The following NRXN3 variants were observed in gnomAD, a reference collection of about 807,000 sequenced individuals.
The protein encoded by NRXN3 is neurexin III.
NRXN3 carries 32 observed loss-of-function variants against 137.6 expected under a neutral mutation model. The ratio of observed to expected loss-of-function variants is 0.23; its 90% CI spans 0.18 to 0.31. The LOEUF (loss-of-function observed/expected upper bound fraction) is 0.31, where lower values mean the gene tolerates loss of function less well. Ranked by LOEUF, NRXN3 falls within the 10% of genes least tolerant of loss-of-function variation. The probability of loss-of-function intolerance (pLI) is 1.00; values close to 1 mark genes in which losing one functional copy is unlikely to be tolerated. For synonymous variants in NRXN3, 798 were observed against 784.5 expected (o/e 1.02, Z -0.29); for missense variants, 1,574 against 2,062.5 (o/e 0.76, Z 4.59).
At chr14:78,404,009 C>T in intron 4 of NRXN3, 1 of 478,654 alleles carries the variant, frequency 2.1e-6, no homozygotes, top group Non-Finnish European at 2.7e-6. Flanking sequence ...AAATGTGGGG[C>T]AGAGGTTTGA....
At chr14:78,572,589 T>C (rs1329040104) in intron 4 of NRXN3, among the ~76,000 whole-genome samples, 1 of 152,174 alleles carries the variant, frequency 6.6e-6, no homozygotes, top group Non-Finnish European at 1.5e-5. Context: ...TGGGCCACAG[T>C]GGAAGAAGAA....
At chr14:79,184,061 C>T (rs2063243090) in intron 15 of NRXN3, among the ~76,000 whole-genome samples, 2 of 152,138 alleles carry the variant, frequency 1.3e-5, no homozygotes, top group African/African-American at 4.8e-5. Context: ...GCTCTAACAA[C>T]CTACCCTCCA....
chr14:79,157,281 A>G (rs899757831), intron 15 of NRXN3, among the ~76,000 whole-genome samples: 1 of 151,818 alleles, frequency 6.6e-6, no homozygotes, highest in Non-Finnish European at 1.5e-5. Context: ...TCAGCATTGA[A>G]TCAACATCTC....
At chr14:79,333,002 C>T (rs912280528) in intron 15 of NRXN3, among the ~76,000 whole-genome samples, 4 of 152,076 alleles carry the variant, frequency 2.6e-5, no homozygotes, top group African/African-American at 7.2e-5. Context: ...CTCTCATCTC[C>T]ATCCTACTTT....
At chr14:78,607,066 G>A (rs772875575) in intron 4 of NRXN3, among the ~76,000 whole-genome samples, 1 of 152,108 alleles carries the variant, frequency 6.6e-6, no homozygotes, top group Non-Finnish European at 1.5e-5. Flanking sequence ...ATTGTCTGTT[G>A]GAGCTGAGGG....
intron 19 of NRXN3, among the ~76,000 whole-genome samples, chr14:79,717,351 C>A (rs945477675): frequency 6.6e-6 from 1 of 152,160 alleles, no homozygotes; most frequent in African/African-American, 2.4e-5. Context: ...TGTGGCCCAA[C>A]CAACTTGAAA....
intron 4 of NRXN3, among the ~76,000 whole-genome samples, chr14:78,419,961 G>GCGCGCA (rs1555518606): frequency 1.0e-4 from 5 of 49,150 alleles, no homozygotes; most frequent in African/African-American, 2.2e-4. Flanking sequence ...GCGCGCGCAC[G>GCGCGCA]CACACACACA....
chr14:78,727,886 C>T (rs1357399403), intron 8 of NRXN3, among the ~76,000 whole-genome samples: 1 of 152,080 alleles, frequency 6.6e-6, no homozygotes, highest in Admixed American at 6.5e-5. Context: ...CTTAGGGTAC[C>T]ACTAGACAAG....
intron 15 of NRXN3, among the ~76,000 whole-genome samples, chr14:79,015,326 C>T (rs2099577513): frequency 6.6e-6 from 1 of 152,202 alleles, no homozygotes; most frequent in Non-Finnish European, 1.5e-5. Context: ...CAAGCCCTCC[C>T]TGCTGCTCTG....
At chr14:79,842,007 C>T (rs567246780) in intron 20 of NRXN3, among the ~76,000 whole-genome samples, 10 of 152,306 alleles carry the variant, frequency 6.6e-5, no homozygotes, top group Non-Finnish European at 1.3e-4. Flanking sequence ...GGGCAAAGCA[C>T]CATATTAGGA....
Position 78,988,026 on chromosome 14 carries a change from C to G in NRXN3, c.3147C>G (p.Pro1049=). 6.2e-7 allele frequency: 1 copy of G among 1,613,698 alleles called. No individual in the cohort carries two copies. ...CCTCTTCTTGTGCATTACTAGGACC[C>G]AGTACCACCTGCCAGGAAGATTCAT... ...SGQIERGCEG[P]STTCQEDSCA... Residue 1049 remains proline, a synonymous_variant, in exon 15 of 21, where the codon CCC becomes CCG. Transcript: ENST00000335750.
At chr14:79,060,923 C>T (rs1156885610) in intron 15 of NRXN3, among the ~76,000 whole-genome samples, 1 of 152,106 alleles carries the variant, frequency 6.6e-6, no homozygotes, top group East Asian at 1.9e-4. Flanking sequence ...AAAGTTGGTG[C>T]TCACTGTGCA....
At chr14:78,199,699 T>C (rs948927791) in intron 1 of NRXN3, among the ~76,000 whole-genome samples, 3 of 152,168 alleles carry the variant, frequency 2.0e-5, no homozygotes, top group Non-Finnish European at 2.9e-5. Flanking sequence ...GGAACCTCAA[T>C]TGGGGTTTGT....
chr14:79,630,565 CAT>C (rs2098334250), intron 16 of NRXN3, among the ~76,000 whole-genome samples: 1 of 152,146 alleles, frequency 6.6e-6, no homozygotes, highest in African/African-American at 2.4e-5. Flanking sequence ...AAATACACAA[CAT>C]ATGTGTTGCA....
At chr14:78,616,081 A>G (rs796822051) in intron 4 of NRXN3, among the ~76,000 whole-genome samples, 8 of 152,324 alleles carry the variant, frequency 5.3e-5, no homozygotes, top group African/African-American at 1.7e-4. Flanking sequence ...GCCTACCAAT[A>G]GTCTCCCTGA....
chr14:78,550,914 T>C (rs761546208), intron 4 of NRXN3, among the ~76,000 whole-genome samples: 1 of 152,172 alleles, frequency 6.6e-6, no homozygotes, highest in Non-Finnish European at 1.5e-5. Flanking sequence ...AGTGCAATGG[T>C]GGAGCATGAG....
intron 10 of NRXN3, among the ~76,000 whole-genome samples, chr14:78,845,605 A>G (rs962706466): frequency 4.6e-5 from 7 of 152,102 alleles, no homozygotes; most frequent in African/African-American, 1.7e-4. Flanking sequence ...CATTCAATGA[A>G]CTACAGTAAA....
rs368790572 is a variant in NRXN3, at chr14:78,808,149, C to A, written c.2249-2169C>A. ...GATTTTCCTTCTCAAACCACTTGTT[C>A]TTCAGGTAAAATAACAAAGTAATTC... On this transcript the variant is annotated intron_variant, in intron 9 of 20. Transcript: ENST00000335750. Among the ~76,000 whole-genome samples the A allele has an allele frequency of 2.3e-4, 35 of 152,250 alleles. No homozygotes were observed. In the East Asian group the frequency reaches 3.1e-3, roughly 13 times the overall value.
intron 19 of NRXN3, among the ~76,000 whole-genome samples, chr14:79,772,308 C>G (rs984944655): frequency 6.6e-6 from 1 of 151,876 alleles, no homozygotes; most frequent in African/African-American, 2.4e-5. Context: ...AAAAAGAGCC[C>G]GCATCACCAA....
Sources: gnomAD v4.1 joint callset for allele counts (sites outside exome capture counted in the v4.1 genomes callset) on GRCh38, gnomAD v4.1.1 for gene constraint, MANE v1.5 for transcripts, NCBI Gene and HGNC (gene_info 2026-07-23, HGNC 2026-07-21) for gene names.